ZDHHC15: variants seen among roughly 807,000 people sequenced by gnomAD.
The protein encoded by ZDHHC15 is palmitoyltransferase ZDHHC15.
Under a neutral mutation model 31.7 loss-of-function variants are expected in ZDHHC15, and 19 were observed. The ratio of observed to expected loss-of-function variants is 0.60; its 90% CI spans 0.42 to 0.88. The LOEUF is 0.88. Among genes scored for constraint, ZDHHC15 ranks in the 40% least tolerant of loss-of-function variants. The pLI is 0.00. For synonymous variants in ZDHHC15, 103 were observed against 90.0 expected (o/e 1.14, Z -0.82); for missense variants, 209 against 251.2 (o/e 0.83, Z 1.14).
At chrX:75,417,909 CTT>C (rs1353264629) in intron 9 of ZDHHC15, among the ~76,000 whole-genome samples, 1 of 112,039 alleles carries the variant, frequency 8.9e-6, no homozygotes, top group Non-Finnish European at 1.9e-5. Flanking sequence ...GTCTGAATGA[CTT>C]TTGATGTTAC....
chrX:75,516,622 C>A (rs1473221754), intron 1 of ZDHHC15, among the ~76,000 whole-genome samples: 2 of 112,149 alleles, frequency 1.8e-5, no homozygotes, highest in Non-Finnish European at 3.8e-5. Context: ...AGACCTAAAA[C>A]CTTAAAAACC....
At chrX:75,420,145 G>A (rs757958159) in intron 9 of ZDHHC15, among the ~76,000 whole-genome samples, 5 of 110,550 alleles carry the variant, frequency 4.5e-5, no homozygotes. Context: ...GTGGGCAAAG[G>A]ATATGAACAG....
intron 2 of ZDHHC15, among the ~76,000 whole-genome samples, chrX:75,486,974 C>G (rs2084788301): frequency 9.0e-6 from 1 of 111,291 alleles, no homozygotes; most frequent in South Asian, 3.8e-4. Flanking sequence ...ACCTGAAAAA[C>G]GTGAGTACCC....
At chrX:75,440,100 A>T (rs942010764) in intron 4 of ZDHHC15, among the ~76,000 whole-genome samples, 1 of 110,964 alleles carries the variant, frequency 9.0e-6, no homozygotes, top group Non-Finnish European at 1.9e-5. Context: ...TTCTGTGAGG[A>T]TCCTTGACTG....
rs1269761633 is a variant in ZDHHC15 at position 75,369,378 on chromosome X, A to C, written c.*3600T>G. Reference sequence around the variant, plus strand: ...GCATACATGTATGTAGATATGTGTGATGAGAGGTGAAAAGAATAGGCTTTC... The same window carrying C: ...GCATACATGTATGTAGATATGTGTGCTGAGAGGTGAAAAGAATAGGCTTTC... On this transcript the variant is annotated 3_prime_UTR_variant, in exon 12 of 12. Coordinates refer to ENST00000373367, the MANE Select transcript of ZDHHC15 (RefSeq NM_144969.3). 1 of 109,832 alleles carries C rather than the reference A, an allele frequency of 9.1e-6. No individual in the cohort carries two copies. The highest frequency in any genetic ancestry group is 9.7e-5 in the Admixed American group (1 of 10,273). The allele number at this position is 109,832 out of a possible 1,213,427, so 9.1% of individuals were successfully genotyped here.
At chrX:75,397,796 G>C (rs1032716776) in intron 10 of ZDHHC15, among the ~76,000 whole-genome samples, 1 of 111,364 alleles carries the variant, frequency 9.0e-6, no homozygotes, top group Non-Finnish European at 1.9e-5. Context: ...GGAGCAACAC[G>C]GAGGCAGGTG....
intron 3 of ZDHHC15, among the ~76,000 whole-genome samples, chrX:75,453,839 C>A (rs888682398): frequency 9.0e-6 from 1 of 111,333 alleles, no homozygotes; most frequent in Non-Finnish European, 1.9e-5. Flanking sequence ...AATTCCACAG[C>A]CATTCATGCT....
intron 10 of ZDHHC15, among the ~76,000 whole-genome samples, chrX:75,406,461 GA>G (rs1440832650): frequency 3.6e-5 from 4 of 110,624 alleles, no homozygotes; most frequent in Non-Finnish European, 7.6e-5. Flanking sequence ...ATTAACCAAG[GA>G]AAAAAGAGAG....
intron 9 of ZDHHC15, among the ~76,000 whole-genome samples, chrX:75,421,418 A>ATATAT (rs2147844926): frequency 3.1e-5 from 2 of 64,667 alleles, no homozygotes; most frequent in African/African-American, 1.5e-4. Flanking sequence ...TATAATATAT[A>ATATAT]TATAATATAT....
intron 2 of ZDHHC15, among the ~76,000 whole-genome samples, chrX:75,483,102 T>C (rs1462951565): frequency 9.7e-6 from 1 of 103,000 alleles, no homozygotes; most frequent in African/African-American, 3.7e-5. Flanking sequence ...TATATATATA[T>C]GATTAAAATA....
chrX:75,518,339 C>T (rs1473067819), intron 1 of ZDHHC15, among the ~76,000 whole-genome samples: 1 of 110,306 alleles, frequency 9.1e-6, no homozygotes, highest in East Asian at 2.8e-4. Context: ...GACATTTTCC[C>T]AAAGAAGATA....
chrX:75,497,422 C>T (rs1025759427), intron 2 of ZDHHC15, among the ~76,000 whole-genome samples: 1 of 111,638 alleles, frequency 9.0e-6, no homozygotes, highest in African/African-American at 3.3e-5. Flanking sequence ...ATAGGTACTC[C>T]TACTGAAACT....
Position 75,492,306 on chromosome X carries a change from A to G in ZDHHC15, c.164-13321T>C, listed in dbSNP as rs751383711. ...CAAGTCCTGAGTGACCTACAAAGAG[A>G]CTTAGATTCCCACACAATAATAATG... On this transcript the variant is annotated intron_variant, in intron 2 of 11. Transcript: ENST00000373367. Among the ~76,000 whole-genome samples, 108 of 111,316 alleles carry G rather than the reference A, an allele frequency of 9.7e-4. No homozygotes were observed. In the Middle Eastern group the frequency reaches 0.014, roughly 14 times the overall value.
intron 2 of ZDHHC15, among the ~76,000 whole-genome samples, chrX:75,491,867 G>A (rs1346580589): frequency 1.8e-5 from 2 of 111,404 alleles, no homozygotes; most frequent in Admixed American, 1.9e-4. Context: ...TCGAGGCAAG[G>A]AAGAAACTGC....
At chrX:75,457,969 AAATC>A (rs1238509384) in intron 3 of ZDHHC15, among the ~76,000 whole-genome samples, 4 of 111,251 alleles carry the variant, frequency 3.6e-5, no homozygotes, top group Non-Finnish European at 5.7e-5. Flanking sequence ...GGAGGTCCTG[AAATC>A]AATCCCCTGT....
At chrX:75,401,441 G>A (rs923693977) in intron 10 of ZDHHC15, among the ~76,000 whole-genome samples, 1 of 111,411 alleles carries the variant, frequency 9.0e-6, no homozygotes, top group Non-Finnish European at 1.9e-5. Context: ...AAAAGGCACA[G>A]AGTGGCAAGC....
At position 75,368,759 on chromosome X, in the gene ZDHHC15, A is replaced by AATCT. The variant is rs2082979743; in HGVS notation, c.*4215_*4218dup. On this transcript the variant is annotated 3_prime_UTR_variant, in exon 12 of 12. Coordinates refer to ENST00000373367, the MANE Select transcript of ZDHHC15 (RefSeq NM_144969.3). The stretch of plus-strand genomic sequence containing the variant: ...TCCTTTAATGCCATTCCCTACTAAC[A>AATCT]ATCTATTTCCTGGTATATTGAATTC... 1 of 110,960 alleles carries AATCT rather than the reference A, an allele frequency of 9.0e-6. No homozygotes were observed. Among genetic ancestry groups the AATCT allele is most frequent in the East Asian group, 2.8e-4 (1 of 3,551 alleles). 9.1% of individuals were successfully genotyped at this position (110,960 alleles called of 1,213,427 possible).
intron 4 of ZDHHC15, among the ~76,000 whole-genome samples, chrX:75,438,727 A>G: frequency 9.0e-6 from 1 of 111,016 alleles, no homozygotes; most frequent in East Asian, 2.8e-4. Flanking sequence ...CCTTTTTTAC[A>G]TTGTGTTTTT....
intron 7 of ZDHHC15, among the ~76,000 whole-genome samples, chrX:75,427,237 C>A (rs2147856812): frequency 9.0e-6 from 1 of 110,710 alleles, no homozygotes; most frequent in African/African-American, 3.3e-5. Context: ...TAGGACAAGC[C>A]AGGACACATT....
Sources: gnomAD v4.1 joint callset for allele counts (sites outside exome capture counted in the v4.1 genomes callset) on GRCh38, gnomAD v4.1.1 for gene constraint, MANE v1.5 for transcripts, NCBI Gene and HGNC (gene_info 2026-07-23, HGNC 2026-07-21) for gene names.